Variants in FAM219A observed in about 807,000 individuals in gnomAD.
FAM219A encodes the protein family with sequence similarity 219 member A.
FAM219A carries 7 observed loss-of-function variants against 23.4 expected under a neutral mutation model. The ratio of observed to expected loss-of-function variants is 0.30; its 90% CI spans 0.17 to 0.56. The LOEUF is 0.56. FAM219A is among the 20% of genes least tolerant of loss of function. The pLI is 0.92. For missense variants in FAM219A, 166 were observed against 246.9 expected (o/e 0.67, Z 2.20); for synonymous variants, 93 against 99.0 (o/e 0.94, Z 0.36).
intron 1 of FAM219A, among the ~76,000 whole-genome samples, chr9:34,426,068 G>A (rs1284390420): frequency 6.6e-6 from 1 of 152,124 alleles, no homozygotes; most frequent in Non-Finnish European, 1.5e-5. Flanking sequence ...GCTGTCAGAG[G>A]GTTAGTTATA....
rs1821358996 is a variant in FAM219A, at chr9:34,399,925, G to A, written c.*1039C>T. The A allele has an allele frequency of 6.6e-6, 1 of 152,658 alleles. No individual in the cohort carries two copies. Among genetic ancestry groups the A allele is most frequent in the Non-Finnish European group, 1.5e-5 (1 of 68,454 alleles). The allele number at this position is 152,658 out of a possible 1,614,324, so 9.5% of individuals were successfully genotyped here. A position where few individuals can be genotyped will look rare whatever the true frequency, so the allele number is the denominator to read the frequency against. ...ACATCTATGACAGGAATAGACTGAGGAGAGACAGGTCCAACAGAGACACAC... is the reference window on the plus strand; with the variant it reads ...ACATCTATGACAGGAATAGACTGAGAAGAGACAGGTCCAACAGAGACACAC... On this transcript the variant is annotated 3_prime_UTR_variant, in exon 6 of 6. Transcript: ENST00000651358.
intron 1 of FAM219A, among the ~76,000 whole-genome samples, chr9:34,430,819 G>A (rs1457192922): frequency 6.7e-6 from 1 of 149,108 alleles, no homozygotes; most frequent in African/African-American, 2.6e-5. Flanking sequence ...TCCAGTCTGG[G>A]TGCCCGAGTG....
rs368703121 is a variant in FAM219A at position 34,401,060 on chromosome 9, G to A, written c.462C>T (p.Pro154=). Residue 154 remains proline, a synonymous_variant, in exon 6 of 6, where the codon CCC becomes CCT. Coordinates refer to ENST00000651358, the MANE Select transcript of FAM219A (RefSeq NM_001184940.2). ...LKDGYRLDEI[P]DDEDLDLIPP... is the part of the protein sequence containing the mutation. ...GGATGAGGTCTAGGTCCTCGTCGTC[G>A]GGGATCTCATCTAACCGGTAGCCGT... The A allele has an allele frequency of 2.4e-4, 384 of 1,612,380 alleles. No individual in the cohort carries two copies. Among genetic ancestry groups the A allele is most frequent in the Admixed American group, 3.2e-4 (19 of 59,814 alleles).
chr9:34,427,767 G>A (rs1281699865), intron 1 of FAM219A, among the ~76,000 whole-genome samples: 1 of 152,190 alleles, frequency 6.6e-6, no homozygotes, highest in Non-Finnish European at 1.5e-5. Context: ...GTTGCATTTT[G>A]TGCTCTTTGT....
intron 1 of FAM219A, among the ~76,000 whole-genome samples, chr9:34,427,371 G>C (rs1231467650): frequency 1.3e-5 from 2 of 151,866 alleles, no homozygotes; most frequent in Admixed American, 6.6e-5. Flanking sequence ...TGTTGACATG[G>C]AGTCTACGTT....
intron 1 of FAM219A, among the ~76,000 whole-genome samples, chr9:34,411,485 C>T (rs1160883627): frequency 1.3e-5 from 2 of 151,326 alleles, no homozygotes; most frequent in Admixed American, 6.6e-5. Context: ...GTCAGGAGAT[C>T]GAGACCACAG....
chr9:34,456,711 A>C (rs1272958738), intron 1 of FAM219A, among the ~76,000 whole-genome samples: 1 of 152,176 alleles, frequency 6.6e-6, no homozygotes, highest in Non-Finnish European at 1.5e-5. Flanking sequence ...CTGGCTCCCA[A>C]ATAATCCAAT....
At chr9:34,447,866 A>G (rs1160343235) in intron 1 of FAM219A, among the ~76,000 whole-genome samples, 1 of 150,858 alleles carries the variant, frequency 6.6e-6, no homozygotes, top group African/African-American at 2.4e-5. Context: ...AGAAAAAAAC[A>G]GTTTTCTTCA....
At chr9:34,408,898 G>C (rs1044892115) in intron 1 of FAM219A, among the ~76,000 whole-genome samples, 7 of 152,204 alleles carry the variant, frequency 4.6e-5, no homozygotes, top group Non-Finnish European at 8.8e-5. Flanking sequence ...CCTCAGTGCA[G>C]ATGAGTTCAT....
At chr9:34,451,615 C>A (rs1007862354) in intron 1 of FAM219A, among the ~76,000 whole-genome samples, 1 of 152,146 alleles carries the variant, frequency 6.6e-6, no homozygotes, top group African/African-American at 2.4e-5. Context: ...AGTGAAGAAG[C>A]CTGTTTTCCA....
chr9:34,420,459 A>T (rs1822222235), intron 1 of FAM219A, among the ~76,000 whole-genome samples: 2 of 151,928 alleles, frequency 1.3e-5, no homozygotes, highest in Admixed American at 1.3e-4. Context: ...GGGGGCTAGG[A>T]CTCTACTTTT....
chr9:34,442,453 G>A (rs752601187), intron 1 of FAM219A, among the ~76,000 whole-genome samples: 28 of 152,190 alleles, frequency 1.8e-4, no homozygotes, highest in Non-Finnish European at 3.7e-4. Flanking sequence ...GGGAGCCTGC[G>A]GCAGGTGGAT....
intron 1 of FAM219A, among the ~76,000 whole-genome samples, chr9:34,430,925 C>A (rs1822676243): frequency 6.6e-6 from 1 of 152,164 alleles, no homozygotes; most frequent in Admixed American, 6.5e-5. Context: ...AGACCCGGCA[C>A]AAACAGGAGG....
intron 1 of FAM219A, among the ~76,000 whole-genome samples, chr9:34,415,674 G>A (rs566369562): frequency 6.8e-4 from 104 of 152,312 alleles, no homozygotes; most frequent in Non-Finnish European, 5.9e-4. Context: ...ATAGGAGTGA[G>A]CCTCTAGGAA....
intron 1 of FAM219A, among the ~76,000 whole-genome samples, chr9:34,409,882 G>A (rs999082986): frequency 1.3e-5 from 2 of 152,168 alleles, no homozygotes; most frequent in South Asian, 2.1e-4. Flanking sequence ...TTTAAAAAAG[G>A]TTGAAATCTT....
intron 1 of FAM219A, among the ~76,000 whole-genome samples, chr9:34,419,370 CT>C (rs1183696410): frequency 6.6e-6 from 1 of 152,010 alleles, no homozygotes; most frequent in Non-Finnish European, 1.5e-5. Context: ...TTTCTGGGGG[CT>C]TTCTACTTGA....
chr9:34,401,959 AC>A (rs905461385), intron 4 of FAM219A, among the ~76,000 whole-genome samples: 1 of 135,734 alleles, frequency 7.4e-6, no homozygotes, highest in African/African-American at 2.7e-5. Flanking sequence ...TACTCCTTTC[AC>A]CCCCTTCTCA....
chr9:34,439,649 C>G (rs1823089261), intron 1 of FAM219A, among the ~76,000 whole-genome samples: 1 of 151,944 alleles, frequency 6.6e-6, no homozygotes, highest in African/African-American at 2.4e-5. Flanking sequence ...GAAGGTGCAG[C>G]AAAAGCATTC....
chr9:34,407,351 A>T (rs778266373), intron 1 of FAM219A, among the ~76,000 whole-genome samples: 58 of 152,308 alleles, frequency 3.8e-4, no homozygotes, highest in Non-Finnish European at 6.3e-4. Flanking sequence ...TCTATTTTTT[A>T]AAAAAGGTTA....
Sources: gnomAD v4.1 joint callset for allele counts (sites outside exome capture counted in the v4.1 genomes callset) on GRCh38, gnomAD v4.1.1 for gene constraint, MANE v1.5 for transcripts, NCBI Gene and HGNC (gene_info 2026-07-23, HGNC 2026-07-21) for gene names.